MYT1L: variants seen among roughly 807,000 people sequenced by gnomAD.
The protein encoded by MYT1L is myelin transcription factor 1 like.
In MYT1L, 12 loss-of-function variants were observed where a neutral mutation model predicts 126.7. That is an observed-to-expected ratio of 0.09 (90% CI 0.06 to 0.15). MYT1L has a LOEUF of 0.15. Among genes scored for constraint, MYT1L ranks in the 10% least tolerant of loss-of-function variants. The pLI is 1.00. For missense variants in MYT1L, 979 were observed against 1,585.2 expected (o/e 0.62, Z 6.49); for synonymous variants, 541 against 604.2 (o/e 0.90, Z 1.53).
At chr2:2,013,426 C>T (rs2149777395) in intron 4 of MYT1L, among the ~76,000 whole-genome samples, 1 of 152,360 alleles carries the variant, frequency 6.6e-6, no homozygotes, top group African/African-American at 2.4e-5. Context: ...TCTTCACAGC[C>T]TCACCTGGTG....
chr2:2,323,819 A>C (rs2096209082), intron 1 of MYT1L, among the ~76,000 whole-genome samples: 1 of 152,220 alleles, frequency 6.6e-6, no homozygotes, highest in Non-Finnish European at 1.5e-5. Flanking sequence ...TTGCTGGTTA[A>C]ATTAGCTAAA....
intron 19 of MYT1L, chr2:1,842,955 T>TTCCA (rs1458938758): frequency 6.1e-6 from 1 of 164,456 alleles, no homozygotes; most frequent in Non-Finnish European, 1.3e-5. Flanking sequence ...GCGCTTCCGC[T>TTCCA]TCCAGGCGCG....
chr2:1,934,685 CTCTT>C lies in MYT1L; in HGVS notation c.505+8293_505+8296del, dbSNP rs1478769646. On this transcript the variant is annotated intron_variant, in intron 9 of 24. Transcript: ENST00000647738. ...TCTGTCTCTCTGTCTGTCTCATTCT[CTCTT>C]TCTCTCTCTCTTCCCCCTACCCCCT... Among the ~76,000 whole-genome samples the C allele has an allele frequency of 1.7e-3, 253 of 151,744 alleles. 1 individual carries two copies. Among genetic ancestry groups the C allele is most frequent in the African/African-American group, 6.0e-3 (247 of 41,302 alleles).
chr2:1,839,083 C>A (rs1478729535), intron 21 of MYT1L, 66 bp downstream of exon 21: 2 of 1,420,844 alleles, frequency 1.4e-6, no homozygotes, highest in Admixed American at 2.1e-5. Flanking sequence ...GCCGTCATAA[C>A]CAGCCGTGCC....
intron 3 of MYT1L, among the ~76,000 whole-genome samples, chr2:2,143,016 C>A (rs542500478): frequency 2.2e-3 from 325 of 149,394 alleles, no homozygotes; most frequent in Non-Finnish European, 3.8e-3. Flanking sequence ...GTAGGCTGGG[C>A]GCGGTGGCTC....
At chr2:1,965,424 C>T (rs1468469206) in intron 8 of MYT1L, among the ~76,000 whole-genome samples, 3 of 149,278 alleles carry the variant, frequency 2.0e-5, no homozygotes, top group Admixed American at 2.0e-4. Flanking sequence ...CTGTGACTTG[C>T]AGGGACCAGG....
At chr2:2,022,177 C>T (rs2065103425) in intron 4 of MYT1L, among the ~76,000 whole-genome samples, 1 of 152,120 alleles carries the variant, frequency 6.6e-6, no homozygotes, top group Non-Finnish European at 1.5e-5. Context: ...CATGGCAACC[C>T]CACAGGCACA....
chr2:1,797,817 G>C (rs1464180989), intron 23 of MYT1L, among the ~76,000 whole-genome samples: 9 of 152,198 alleles, frequency 5.9e-5, no homozygotes, highest in Admixed American at 5.9e-4. Context: ...CCCTTCCGCA[G>C]AGAGTGGCAG....
At chr2:2,114,068 C>T (rs1255416310) in intron 3 of MYT1L, among the ~76,000 whole-genome samples, 1 of 151,724 alleles carries the variant, frequency 6.6e-6, no homozygotes, top group East Asian at 1.9e-4. Flanking sequence ...TTACTGCCTC[C>T]ATTATACAGA....
intron 1 of MYT1L, chr2:2,325,391 T>G (rs867550641): frequency 2.5e-4 from 38 of 152,356 alleles, no homozygotes; most frequent in African/African-American, 9.1e-4. Flanking sequence ...ATGAAACTAC[T>G]TGTCTAAGAA....
intron 1 of MYT1L, among the ~76,000 whole-genome samples, chr2:2,304,727 C>A (rs770590651): frequency 6.6e-6 from 1 of 152,194 alleles, no homozygotes; most frequent in African/African-American, 2.4e-5. Context: ...TTTACAAAAA[C>A]AGCAAGTTGT....
intron 2 of MYT1L, among the ~76,000 whole-genome samples, chr2:2,262,233 T>C (rs966509456): frequency 3.9e-5 from 6 of 152,240 alleles, no homozygotes; most frequent in Admixed American, 2.0e-4. Flanking sequence ...GTGTTTTATC[T>C]ATTTCTTAAG....
intron 18 of MYT1L, 132 bp downstream of exon 18, chr2:1,886,407 A>G (rs894205954): frequency 1.1e-5 from 6 of 556,668 alleles, no homozygotes; most frequent in Non-Finnish European, 1.8e-5. Context: ...TCCCATGTCT[A>G]CATCAAGGCA....
In MYT1L at chr2:1,824,015, C is replaced by T. The variant is rs538007537; in HGVS notation, c.3081-14848G>A. 4.0e-4 allele frequency among the ~76,000 whole-genome samples: 61 copies of T among 152,266 alleles called. 1 individual carries two copies. The South Asian group carries it at 0.011, about 26-fold the overall frequency. ...GCCGCGCCTCCCCCCCCAGCGGGGC[C>T]GCCGGGCAGAGGTGATGTGGGATGC... is the stretch of plus-strand genomic sequence containing the variant. On this transcript the variant is annotated intron_variant, in intron 21 of 24. Coordinates refer to ENST00000647738, the MANE Select transcript of MYT1L (RefSeq NM_001303052.2).
At chr2:1,884,953 G>A (rs747008917) in intron 18 of MYT1L, among the ~76,000 whole-genome samples, 3 of 152,186 alleles carry the variant, frequency 2.0e-5, no homozygotes, top group Admixed American at 6.5e-5. Flanking sequence ...AAGTTGGCTC[G>A]GAATTTCAAA....
intron 21 of MYT1L, among the ~76,000 whole-genome samples, chr2:1,834,474 T>C (rs896614736): frequency 6.6e-6 from 1 of 152,192 alleles, no homozygotes; most frequent in African/African-American, 2.4e-5. Flanking sequence ...AGAAAAACCA[T>C]AGTCAACACA....
At chr2:2,260,155 A>G (rs779685702) in intron 2 of MYT1L, among the ~76,000 whole-genome samples, 1 of 152,192 alleles carries the variant, frequency 6.6e-6, no homozygotes, top group Non-Finnish European at 1.5e-5. Flanking sequence ...AGGATTCACA[A>G]TGCGTGATGA....
intron 1 of MYT1L, among the ~76,000 whole-genome samples, chr2:2,302,226 G>C (rs1041481000): frequency 6.6e-6 from 1 of 152,232 alleles, no homozygotes; most frequent in African/African-American, 2.4e-5. Flanking sequence ...TATTGAAATA[G>C]AAATTCATTC....
chr2:2,211,826 A>AC (rs2093527107), intron 2 of MYT1L, among the ~76,000 whole-genome samples: 1 of 150,886 alleles, frequency 6.6e-6, no homozygotes, highest in Non-Finnish European at 1.5e-5. Flanking sequence ...AAAAAACCAA[A>AC]CAAAAAAAAA....
Sources: gnomAD v4.1 joint callset for allele counts (sites outside exome capture counted in the v4.1 genomes callset) on GRCh38, gnomAD v4.1.1 for gene constraint, MANE v1.5 for transcripts, NCBI Gene and HGNC (gene_info 2026-07-23, HGNC 2026-07-21) for gene names.